LRTM1: variants seen among roughly 807,000 people sequenced by gnomAD.
LRTM1 encodes leucine-rich repeat and transmembrane domain-containing protein 1.
Under a neutral mutation model 32.4 loss-of-function variants are expected in LRTM1, and 38 were observed. The observed-to-expected ratio is 1.17, with a 90% CI of 0.91 to 1.54. The LOEUF is 1.54. LRTM1 is among the 40% of genes most tolerant of loss of function. LRTM1 has a pLI of 0.00. For missense variants in LRTM1, 466 were observed against 415.4 expected, an observed-to-expected ratio of 1.12 and a Z score of -1.06; for synonymous variants, 186 against 169.9, an observed-to-expected ratio of 1.09 and a Z score of -0.74.
At chr3:54,919,886 C>A (rs1700785433) in intron 2 of LRTM1, among the ~76,000 whole-genome samples, 1 of 152,162 alleles carries the variant, frequency 6.6e-6, no homozygotes, top group African/African-American at 2.4e-5. Flanking sequence ...ATGCTCAGTC[C>A]AAGTTTTTTC....
At chr3:54,926,556 T>C (rs1701027634) in intron 1 of LRTM1, among the ~76,000 whole-genome samples, 1 of 147,850 alleles carries the variant, frequency 6.8e-6, no homozygotes, top group African/African-American at 2.5e-5. Flanking sequence ...ACACACACTC[T>C]GTTTTACATA....
At chr3:54,925,315 A>G (rs1575380227) in intron 1 of LRTM1, 100 bp from the exon 2 acceptor site, 4 of 973,094 alleles carry the variant, frequency 4.1e-6, no homozygotes, top group Non-Finnish European at 4.6e-6. Flanking sequence ...CTTTCCAGCC[A>G]GGTGAAACCT....
At chr3:54,956,792 A>G (rs1264294940) in intron 1 of LRTM1, among the ~76,000 whole-genome samples, 1 of 152,216 alleles carries the variant, frequency 6.6e-6, no homozygotes, top group Non-Finnish European at 1.5e-5. Context: ...CAAATATTCT[A>G]GAGTGTTTAG....
chr3:54,927,527 G>A (rs530417018), intron 1 of LRTM1, among the ~76,000 whole-genome samples: 1 of 152,118 alleles, frequency 6.6e-6, no homozygotes, highest in Admixed American at 6.5e-5. Context: ...CATGTTTGCC[G>A]CAGAATCCAC....
intron 1 of LRTM1, among the ~76,000 whole-genome samples, chr3:54,943,406 G>A (rs1466119110): frequency 6.6e-6 from 1 of 151,992 alleles, no homozygotes; most frequent in Non-Finnish European, 1.5e-5. Flanking sequence ...TTTAATACAT[G>A]GTGCTTTGGA....
chr3:54,952,610 C>T (rs988969438), intron 1 of LRTM1, among the ~76,000 whole-genome samples: 5 of 152,148 alleles, frequency 3.3e-5, no homozygotes, highest in African/African-American at 9.7e-5. Flanking sequence ...AGGTGAGTCC[C>T]TTTGGCTCAT....
At position 54,918,335 on chromosome 3, in the gene LRTM1, T is replaced by TTC. The variant is rs1700719898; in HGVS notation, c.*123_*124insGA. The TTC allele has an allele frequency of 2.4e-5, 3 of 124,966 alleles. No homozygotes were observed. Among genetic ancestry groups the TTC allele is most frequent in the African/African-American group, 4.9e-5 (1 of 20,320 alleles). The allele number at this position is 124,966 out of a possible 1,614,324, so 7.7% of individuals were successfully genotyped here. A position where few individuals can be genotyped will look rare whatever the true frequency, so the allele number is the denominator to read the frequency against. On this transcript the variant is annotated 3_prime_UTR_variant, in exon 3 of 3. Coordinates refer to ENST00000273286, the MANE Select transcript of LRTM1 (RefSeq NM_020678.4). ...TACAGACACATCTTTTTTTTTTCTT[T>TTC]TTTTTTTTTTTTTTTTTTTTGTCTT...
chr3:54,918,813 C>T lies in LRTM1; in HGVS notation c.684G>A (p.Leu228=), dbSNP rs1352818069. The T allele has an allele frequency of 1.2e-6, 2 of 1,613,024 alleles. No homozygotes were observed. Among genetic ancestry groups the T allele is most frequent in the Non-Finnish European group, 1.7e-6 (2 of 1,179,452 alleles). The change falls in exon 3 of 3, where the codon CTG becomes CTA. Residue 228 remains leucine, a synonymous_variant. Transcript: ENST00000273286. ...GKDLLRIPHE[L]YQPCPLPAPD... ...GAGCAGGAAGAGGGCAGGGCTGGTA[C>T]AGCTCATGAGGGATCCTAAGGAGGT... is the stretch of plus-strand genomic sequence containing the variant.
chr3:54,942,712 G>T (rs1701503217), intron 1 of LRTM1, among the ~76,000 whole-genome samples: 2 of 151,650 alleles, frequency 1.3e-5, no homozygotes, highest in South Asian at 4.2e-4. Flanking sequence ...AACATAGCGA[G>T]GCTCCATCTC....
intron 1 of LRTM1, among the ~76,000 whole-genome samples, chr3:54,936,163 CAAA>C (rs539489771): frequency 3.1e-5 from 4 of 127,920 alleles, no homozygotes; most frequent in African/African-American, 1.1e-4. Flanking sequence ...AGAATCATAG[CAAA>C]AAAAAAAAAA....
chr3:54,965,076 A>G (rs140133679), intron 1 of LRTM1, among the ~76,000 whole-genome samples: 23 of 152,336 alleles, frequency 1.5e-4, no homozygotes, highest in African/African-American at 2.6e-4. Context: ...TAAAGGACCA[A>G]TAGTAAATAA....
chr3:54,939,579 G>A lies in LRTM1; in HGVS notation c.-221-14364C>T, dbSNP rs866552446. 5.3e-5 allele frequency among the ~76,000 whole-genome samples: 8 copies of A among 152,200 alleles called. No homozygotes were observed. In the South Asian group the frequency reaches 6.2e-4, roughly 12 times the overall value. ...CCAGGGATTGGGCAAAGTGTGCTGG[G>A]GCCGGAGGTGGGGAAAGCAAGGCAT... is the stretch of plus-strand genomic sequence containing the variant. On this transcript the variant is annotated intron_variant, in intron 1 of 2. Transcript: ENST00000493075.
At chr3:54,936,791 C>G (rs1456089792) in intron 1 of LRTM1, among the ~76,000 whole-genome samples, 1 of 152,138 alleles carries the variant, frequency 6.6e-6, no homozygotes, top group Non-Finnish European at 1.5e-5. Context: ...TGAAGCATGA[C>G]TATCAGAGTT....
At chr3:54,954,135 C>T (rs1326753872) in intron 1 of LRTM1, among the ~76,000 whole-genome samples, 1 of 152,168 alleles carries the variant, frequency 6.6e-6, no homozygotes, top group African/African-American at 2.4e-5. Context: ...GTTATTTAAT[C>T]ATGTCATCAT....
chr3:54,960,387 C>A (rs1451501583), intron 1 of LRTM1, among the ~76,000 whole-genome samples: 1 of 152,158 alleles, frequency 6.6e-6, no homozygotes, highest in Non-Finnish European at 1.5e-5. Flanking sequence ...AATATGCAAT[C>A]ATTTAGGGGT....
chr3:54,935,144 A>G (rs1009564724), intron 1 of LRTM1, among the ~76,000 whole-genome samples: 2 of 152,204 alleles, frequency 1.3e-5, no homozygotes, highest in African/African-American at 4.8e-5. Context: ...GACACTGTCT[A>G]ACTCTCAGGG....
chr3:54,961,469 T>A (rs976643039), intron 1 of LRTM1, among the ~76,000 whole-genome samples: 1 of 152,222 alleles, frequency 6.6e-6, no homozygotes, highest in Non-Finnish European at 1.5e-5. Flanking sequence ...AAACTACAAT[T>A]TTCTACTATA....
chr3:54,955,688 A>C (rs1335486593), intron 1 of LRTM1, among the ~76,000 whole-genome samples: 1 of 152,076 alleles, frequency 6.6e-6, no homozygotes, highest in African/African-American at 2.4e-5. Context: ...GGACACTGAG[A>C]TCAGACAGCC....
chr3:54,928,199 G>A (rs1353180243), upstream of LRTM1: 6 of 450,396 alleles, frequency 1.3e-5, no homozygotes, highest in Non-Finnish European at 2.0e-5. Flanking sequence ...GATCATCCCT[G>A]CCTTTCCCAT....
Sources: allele counts gnomAD v4.1 joint callset (sites outside exome capture counted in the v4.1 genomes callset), GRCh38; gene constraint gnomAD v4.1.1; transcripts MANE v1.5; gene names NCBI Gene and HGNC (gene_info 2026-07-23, HGNC 2026-07-21).